ZNF701: variants seen among roughly 807,000 people sequenced by gnomAD.
ZNF701 encodes the protein zinc finger protein 701.
In ZNF701, 6 loss-of-function variants were observed where a neutral mutation model predicts 7.1. That is an observed-to-expected ratio of 0.84 (90% confidence interval 0.46 to 1.66). The LOEUF is 1.66. Ranked by LOEUF, ZNF701 falls within the 40% of genes most tolerant of loss-of-function variation. ZNF701 has a pLI of 0.01. For missense variants in ZNF701, 541 were observed against 559.2 expected, an observed-to-expected ratio of 0.97 and a Z score of 0.33; for synonymous variants, 166 against 188.2, an observed-to-expected ratio of 0.88 and a Z score of 0.97.
chr19:52,585,123 C>T lies in ZNF701; in HGVS notation c.*1666C>T, dbSNP rs190523992. The stretch of plus-strand genomic sequence containing the variant: ...TTTTCCTTTTGAGTTTAAAGTCGCC[C>T]TGAGGCTGGTCCCGTCCCGGTCTTT... On this transcript the variant is annotated 3_prime_UTR_variant, in exon 4 of 4. Coordinates refer to ENST00000391785, the MANE Select transcript of ZNF701 (RefSeq NM_018260.3). 1 of 152,394 alleles carries T rather than the reference C, an allele frequency of 6.6e-6. No individual in the cohort carries two copies. The highest frequency in any genetic ancestry group is 6.5e-5 in the Admixed American group (1 of 15,304). The allele number at this position is 152,394 out of a possible 1,614,324, so 9.4% of individuals were successfully genotyped here.
chr19:52,577,832 T>G (rs1197235465), intron 3 of ZNF701, among the ~76,000 whole-genome samples: 20 of 152,234 alleles, frequency 1.3e-4, no homozygotes, highest in Non-Finnish European at 1.5e-5. Flanking sequence ...AACCCCTCCC[T>G]GTGGTGCTGT....
intron 3 of ZNF701, among the ~76,000 whole-genome samples, chr19:52,580,161 T>A (rs1166205747): frequency 6.9e-6 from 1 of 144,834 alleles, no homozygotes; most frequent in Non-Finnish European, 1.5e-5. Context: ...GCCAGGATGG[T>A]CTCAATCTCC....
In ZNF701 at chr19:52,582,534, A is replaced by G; in HGVS notation, c.475A>G (p.Lys159Glu). Residue 159 changes from lysine to glutamate, a missense_variant, in exon 4 of 4, where the codon AAA (lysine) becomes GAA (glutamate). Coordinates refer to ENST00000391785, the MANE Select transcript of ZNF701 (RefSeq NM_018260.3). Reference protein sequence around the residue: ...PEVHIFHPEGKIGNQVEKAIN... With the variant: ...PEVHIFHPEGEIGNQVEKAIN... ...AGTGCACATATTTCACCCCGAAGGG[A>G]AAATTGGTAATCAAGTTGAGAAGGC... 1 of 1,614,202 alleles carries G rather than the reference A, an allele frequency of 6.2e-7. No homozygotes were observed. The highest frequency in any genetic ancestry group is 8.5e-7 in the Non-Finnish European group (1 of 1,180,034).
intron 3 of ZNF701, among the ~76,000 whole-genome samples, chr19:52,577,555 T>C (rs802861): frequency 0.2 from 29,855 of 148,346 alleles, 3,938 homozygotes; most frequent in African/African-American, 0.38. Context: ...TAGGAATAAC[T>C]GGCAGGTATA....
Position 52,586,185 on chromosome 19 carries a change from CCG to C in ZNF701, c.*2734_*2735del, listed in dbSNP as rs2060010599. The C allele has an allele frequency of 6.6e-6, 1 of 152,078 alleles. No individual in the cohort carries two copies. The highest frequency in any genetic ancestry group is 6.6e-5 in the Admixed American group (1 of 15,250). 9.4% of individuals were successfully genotyped at this position (152,078 alleles called of 1,614,324 possible). A position where few individuals can be genotyped will look rare whatever the true frequency, so the allele number is the denominator to read the frequency against. ...GCCTGCAGAGTAGCTGGGACCACAGCCGCGCGCCACCACACCGCGCCAATTTT... is the reference window on the plus strand; with the variant it reads ...GCCTGCAGAGTAGCTGGGACCACAGCCGCGCCACCACACCGCGCCAATTTT... On this transcript the variant is annotated 3_prime_UTR_variant, in exon 4 of 4. Coordinates refer to ENST00000391785, the MANE Select transcript of ZNF701 (RefSeq NM_018260.3).
chr19:52,593,202 A>G, the ZNF701 span, among the ~76,000 whole-genome samples: 1,286 of 118,290 alleles, frequency 0.011, 398 homozygotes, highest in African/African-American at 0.04. Context: ...CACCACAACC[A>G]TCCGATTTCT....
chr19:52,578,993 G>A (rs1056617309), intron 3 of ZNF701, among the ~76,000 whole-genome samples: 6 of 148,120 alleles, frequency 4.1e-5, no homozygotes, highest in East Asian at 2.0e-4. Flanking sequence ...TGATCCACCC[G>A]CCTTAGCCTC....
rs2060002797 is a variant in ZNF701, at chr19:52,585,271, G to A, written c.*1814G>A. Reference sequence around the variant, plus strand: ...ACCAGCGAGTTGGACTCTCGCCCTGGGCTCCTCATCGGCGCCTGGAGGGCA... The same window carrying A: ...ACCAGCGAGTTGGACTCTCGCCCTGAGCTCCTCATCGGCGCCTGGAGGGCA... On this transcript the variant is annotated 3_prime_UTR_variant, in exon 4 of 4. Coordinates refer to ENST00000391785, the MANE Select transcript of ZNF701 (RefSeq NM_018260.3). 1.2e-5 allele frequency: 1 copy of A among 82,418 alleles called. No homozygotes were observed. Among genetic ancestry groups the A allele is most frequent in the African/African-American group, 1.2e-4 (1 of 8,006 alleles). 5.1% of individuals were successfully genotyped at this position (82,418 alleles called of 1,614,324 possible). A position where few individuals can be genotyped will look rare whatever the true frequency, so the allele number is the denominator to read the frequency against.
Position 52,584,206 on chromosome 19 carries a change from T to C in ZNF701, c.*749T>C, listed in dbSNP as rs552003271. On this transcript the variant is annotated 3_prime_UTR_variant, in exon 4 of 4. Transcript: ENST00000391785. The stretch of plus-strand genomic sequence containing the variant: ...TAACGTTCATTTTTGAGGTAATAGT[T>C]ACAAATGCGGTGAGCACAGCAAACC... The C allele has an allele frequency of 3.8e-6, 1 of 262,918 alleles. No homozygotes were observed. The highest frequency in any genetic ancestry group is 2.2e-5 in the African/African-American group (1 of 44,584). 16.3% of individuals were successfully genotyped at this position (262,918 alleles called of 1,614,324 possible). A position where few individuals can be genotyped will look rare whatever the true frequency, so the allele number is the denominator to read the frequency against.
chr19:52,598,374 A>G, the ZNF701 span, among the ~76,000 whole-genome samples: 25 of 152,294 alleles, frequency 1.6e-4, no homozygotes, highest in African/African-American at 6.0e-4. Flanking sequence ...TTGAGCAGGT[A>G]GAGTCACGCA....
intron 2 of ZNF701, among the ~76,000 whole-genome samples, chr19:52,575,121 C>T (rs897760428): frequency 2.6e-5 from 4 of 152,150 alleles, no homozygotes; most frequent in Non-Finnish European, 4.4e-5. Context: ...AGGCACCCCC[C>T]ACCACGCCCG....
chr19:52,583,832 C>T lies in ZNF701; in HGVS notation c.*375C>T, dbSNP rs2059992466. The T allele has an allele frequency of 3.7e-6, 2 of 543,358 alleles. No homozygotes were observed. The highest frequency in any genetic ancestry group is 7.0e-6 in the Non-Finnish European group (2 of 285,596). 33.7% of individuals were successfully genotyped at this position (543,358 alleles called of 1,614,324 possible). On this transcript the variant is annotated 3_prime_UTR_variant, in exon 4 of 4. Transcript: ENST00000391785. Reference sequence around the variant, plus strand: ...ACAAAGTCTTCAGTAATATTACAGCCATTGCAAAACATTGGAGAATCCATA... The same window carrying T: ...ACAAAGTCTTCAGTAATATTACAGCTATTGCAAAACATTGGAGAATCCATA...
Position 52,586,315 on chromosome 19 carries a change from T to C in ZNF701, c.*2858T>C, listed in dbSNP as rs552376801. The C allele has an allele frequency of 6.6e-6, 1 of 152,060 alleles. No homozygotes were observed. The highest frequency in any genetic ancestry group is 1.5e-5 in the Non-Finnish European group (1 of 68,086). 9.4% of individuals were successfully genotyped at this position (152,060 alleles called of 1,614,324 possible). A position where few individuals can be genotyped will look rare whatever the true frequency, so the allele number is the denominator to read the frequency against. On this transcript the variant is annotated 3_prime_UTR_variant, in exon 4 of 4. Transcript: ENST00000391785. Reference sequence around the variant, plus strand: ...CATCAGCCTCCCAAAGTGCTGGGATTACAGGCTTGAGCCACCATGCCCGCC... The same window carrying C: ...CATCAGCCTCCCAAAGTGCTGGGATCACAGGCTTGAGCCACCATGCCCGCC...
intron 2 of ZNF701, 154 bp from the exon 3 acceptor site, chr19:52,575,741 C>G (rs961088607): frequency 3.7e-6 from 2 of 546,820 alleles, no homozygotes; most frequent in African/African-American, 4.3e-5. Context: ...TCAAACACCA[C>G]TGGGAAGACA....
intron 2 of ZNF701, 119 bp downstream of exon 2, chr19:52,574,281 C>T: frequency 6.8e-7 from 1 of 1,473,210 alleles, no homozygotes; most frequent in Non-Finnish European, 9.4e-7. Context: ...TCACACTCAA[C>T]TCATGCCTTC....
intron 2 of ZNF701, among the ~76,000 whole-genome samples, chr19:52,574,651 C>T (rs2059921600): frequency 6.6e-6 from 1 of 152,044 alleles, no homozygotes. Flanking sequence ...GTTTCTGACT[C>T]AAAAAATTGT....
intron 3 of ZNF701, among the ~76,000 whole-genome samples, chr19:52,581,373 C>G (rs1568504506): frequency 6.6e-6 from 1 of 152,108 alleles, no homozygotes; most frequent in South Asian, 2.1e-4. Flanking sequence ...GTGCCCACCA[C>G]CACACCTGGC....
At chr19:52,592,199 T>G in the ZNF701 span, 5 of 1,575,530 alleles carry the variant, frequency 3.2e-6, no homozygotes, top group South Asian at 3.3e-5. Context: ...GAAGTGATGT[T>G]GGAGAACTAC....
At chr19:52,572,062 A>T (rs901282738) in intron 1 of ZNF701, among the ~76,000 whole-genome samples, 2 of 151,926 alleles carry the variant, frequency 1.3e-5, no homozygotes, top group Non-Finnish European at 2.9e-5. Context: ...ACCTCAGGTG[A>T]TCTGCCCACC....
Sources: allele counts gnomAD v4.1 joint callset (sites outside exome capture counted in the v4.1 genomes callset), GRCh38; gene constraint gnomAD v4.1.1; transcripts MANE v1.5; gene names NCBI Gene and HGNC (gene_info 2026-07-23, HGNC 2026-07-21).